The following RASD2 variants were observed in gnomAD, a reference collection of about 807,000 sequenced individuals.
The protein encoded by RASD2 is GTP-binding protein Rhes.
A neutral mutation model predicts 15.8 loss-of-function variants in RASD2; 7 were observed. That is an observed-to-expected ratio of 0.44 (90% CI 0.25 to 0.83). The LOEUF (loss-of-function observed/expected upper bound fraction) is 0.83. Among genes scored for constraint, RASD2 ranks in the 40% least tolerant of loss-of-function variants. The probability of loss-of-function intolerance (pLI) is 0.20; values close to 1 mark genes in which losing one functional copy is unlikely to be tolerated. For synonymous variants in RASD2, 155 were observed against 153.6 expected (o/e 1.01, Z -0.07); for missense variants, 274 against 382.8 (o/e 0.72, Z 2.37).
chr22:35,544,789 C>T (rs1005541702), intron 1 of RASD2, among the ~76,000 whole-genome samples: 1 of 152,158 alleles, frequency 6.6e-6, no homozygotes. Context: ...AGTAATTTAA[C>T]CTCTCTGTGC....
At position 35,541,410 on chromosome 22, in the gene RASD2, G is replaced by C. The variant is rs1346998264; in HGVS notation, c.-100G>C. ...AGCCACCACAGACTCTGGGAGGCTC[G>C]GCGGCTGGAGCAGCAGGCAGCTCCC... On this transcript the variant is annotated 5_prime_UTR_variant, in exon 1 of 3. Coordinates refer to ENST00000216127, the MANE Select transcript of RASD2 (RefSeq NM_014310.4). 1 of 152,226 alleles carries C rather than the reference G, an allele frequency of 6.6e-6. No individual in the cohort carries two copies. Among genetic ancestry groups the C allele is most frequent in the Non-Finnish European group, 1.5e-5 (1 of 68,080 alleles). The allele number at this position is 152,226 out of a possible 1,614,324, so 9.4% of individuals were successfully genotyped here.
At position 35,551,902 on chromosome 22, in the gene RASD2, A is replaced by C. The variant is rs1199534096; in HGVS notation, c.671A>C (p.Glu224Ala). The C allele has an allele frequency of 6.2e-7, 1 of 1,612,782 alleles. No individual in the cohort carries two copies. Among genetic ancestry groups the C allele is most frequent in the East Asian group, 2.2e-5 (1 of 44,862 alleles). ...CCCTTCTGCATGCGCCGCGTCAAGG[A>C]GATGGACGCCTATGGCATGGTCTCG... is the stretch of plus-strand genomic sequence containing the variant. ...PRPFCMRRVK[E>A]MDAYGMVSPF... Residue 224 changes from glutamate (E) to alanine (A), a missense_variant, in exon 3 of 3, where the codon GAG becomes GCG. Physicochemically the swap from Glu to Ala is moderately radical, Grantham distance 107 (BLOSUM62 -1). Coordinates refer to ENST00000216127, the MANE Select transcript of RASD2 (RefSeq NM_014310.4). The surrounding 1 kb of genome is among the most constrained non-coding windows in gnomAD (Gnocchi z 4.9).
chr22:35,533,627 A>ATGATGACAGTGATGATG, the RASD2 span, among the ~76,000 whole-genome samples: 2 of 3,838 alleles, frequency 5.2e-4, no homozygotes, highest in African/African-American at 1.8e-3. Context: ...TGATGATGGG[A>ATGATGACAGTGATGATG]ATGATGGTGA....
rs1934526011 is a variant in RASD2, at chr22:35,547,076, C to T, written c.267C>T (p.Leu89=). 1 of 1,612,104 alleles carries T rather than the reference C, an allele frequency of 6.2e-7. No homozygotes were observed. Among genetic ancestry groups the T allele is most frequent in the Admixed American group, 1.7e-5 (1 of 59,972 alleles). The change falls in exon 2 of 3, where the codon CTC becomes CTT. Residue 89 remains leucine, a synonymous_variant. Transcript: ENST00000216127. ...PFPAMRRLSI[L]TGDVFILVFS... is the part of the protein sequence containing the mutation. The stretch of plus-strand genomic sequence containing the variant: ...CCGCCATGCGCAGGCTGTCCATCCT[C>T]ACAGGTGAGGCCCACTGGTGCCTGG...
In RASD2 at chr22:35,551,050, T is replaced by C. The variant is rs1934651650; in HGVS notation, c.272-453T>C. On this transcript the variant is annotated intron_variant, in intron 2 of 2. Coordinates refer to ENST00000216127, the MANE Select transcript of RASD2 (RefSeq NM_014310.4). This position sits in a 1 kb window ranked among gnomAD's most constrained non-coding sequence, Gnocchi z 4.9. The stretch of plus-strand genomic sequence containing the variant: ...GACAGAGAAACTGAGGTTACAGAGG[T>C]TTCGTGATCTGCCCAAGTCTGCTGG... Among the ~76,000 whole-genome samples, 1 of 152,114 alleles carries C rather than the reference T, an allele frequency of 6.6e-6. No individual in the cohort carries two copies. Among genetic ancestry groups the C allele is most frequent in the African/African-American group, 2.4e-5 (1 of 41,394 alleles).
chr22:35,537,037 C>T (rs187631328), upstream of RASD2, among the ~76,000 whole-genome samples: 478 of 152,210 alleles, frequency 3.1e-3, 5 homozygotes, highest in African/African-American at 0.011. Context: ...TCTAATGCGC[C>T]GCCAGCATTA....
At chr22:35,535,869 C>T (rs957161575), upstream of RASD2, among the ~76,000 whole-genome samples, 3 of 137,758 alleles carry the variant, frequency 2.2e-5, no homozygotes, top group African/African-American at 8.3e-5. Context: ...ACCCAGGCTC[C>T]TGACTGAATT....
At position 35,551,781 on chromosome 22, in the gene RASD2, T is replaced by C; in HGVS notation, c.550T>C (p.Tyr184His). ...KKNTNVDEMF[Y>H]VLFSMAKLPH... ...GAACACCAACGTGGACGAGATGTTC[T>C]ACGTGCTCTTCAGCATGGCCAAGCT... The change falls in exon 3 of 3, where the codon TAC (tyrosine) becomes CAC (histidine). Residue 184 changes from tyrosine to histidine, a missense_variant. Transcript: ENST00000216127. This position sits in a 1 kb window ranked among gnomAD's most constrained non-coding sequence, Gnocchi z 4.9. 1.2e-6 allele frequency: 2 copies of C among 1,614,030 alleles called. No homozygotes were observed. The highest frequency in any genetic ancestry group is 1.1e-5 in the South Asian group (1 of 91,072).
At chr22:35,548,541 C>A (rs1035703436) in intron 2 of RASD2, among the ~76,000 whole-genome samples, 1 of 152,152 alleles carries the variant, frequency 6.6e-6, no homozygotes, top group Non-Finnish European at 1.5e-5. Flanking sequence ...ATTCAGATAA[C>A]CCCCCAACTG....
intron 1 of RASD2, among the ~76,000 whole-genome samples, chr22:35,544,135 A>G (rs1450495659): frequency 6.6e-6 from 1 of 152,214 alleles, no homozygotes; most frequent in Non-Finnish European, 1.5e-5. Flanking sequence ...CAGGGCAATG[A>G]TGGAGACAAA....
At chr22:35,538,270 C>A (rs1934273505), upstream of RASD2, among the ~76,000 whole-genome samples, 1 of 152,120 alleles carries the variant, frequency 6.6e-6, no homozygotes, top group Admixed American at 6.6e-5. Flanking sequence ...CCACACCCAG[C>A]CCAAGATTTT....
chr22:35,533,953 CGGTGATGATTAT>C, the RASD2 span, among the ~76,000 whole-genome samples: 1 of 129,452 alleles, frequency 7.7e-6, no homozygotes. Context: ...GTGATGATGA[CGGTGATGATTAT>C]GGTGATGAAG....
chr22:35,546,866 A>T lies in RASD2; in HGVS notation c.57A>T (p.Ser19=). ...CGCTCAGTGTGCCCGCCAAAAACTC[A>T]TACCGCATGGTGGTGCTGGGTGCCT... The part of the protein sequence containing the change: ...NCTLSVPAKN[S]YRMVVLGASR... The change falls in exon 2 of 3, where the codon TCA becomes TCT. Residue 19 remains serine, a synonymous_variant. Transcript: ENST00000216127. 6.2e-7 allele frequency: 1 copy of T among 1,613,740 alleles called. No individual in the cohort carries two copies. The highest frequency in any genetic ancestry group is 1.1e-5 in the South Asian group (1 of 90,994).
Position 35,552,889 on chromosome 22 carries a change from T to C in RASD2, c.*857T>C, listed in dbSNP as rs1934715529. 1 of 152,466 alleles carries C rather than the reference T, an allele frequency of 6.6e-6. No individual in the cohort carries two copies. The highest frequency in any genetic ancestry group is 2.1e-4 in the South Asian group (1 of 4,794). The allele number at this position is 152,466 out of a possible 1,614,324, so 9.4% of individuals were successfully genotyped here. ...TCCCAAACAGGGTTTCCGTGGCCTG[T>C]TTGCAGCTAGACATTGACCTCCGCC... On this transcript the variant is annotated 3_prime_UTR_variant, in exon 3 of 3. Coordinates refer to ENST00000216127, the MANE Select transcript of RASD2 (RefSeq NM_014310.4).
In RASD2 at chr22:35,546,923, C is replaced by A; in HGVS notation, c.114C>A (p.Arg38=). ...TGGGCAAGAGCTCCATCGTGTCTCGCTTCCTCAATGGCCGCTTTGAGGACC... is the reference window on the plus strand; with the variant it reads ...TGGGCAAGAGCTCCATCGTGTCTCGATTCCTCAATGGCCGCTTTGAGGACC... ...SRVGKSSIVS[R]FLNGRFEDQY... is the part of the protein sequence containing the mutation. The change falls in exon 2 of 3, where the codon CGC becomes CGA. Residue 38 remains arginine (R), a synonymous_variant. Transcript: ENST00000216127. The A allele has an allele frequency of 1.9e-6, 3 of 1,613,804 alleles. No homozygotes were observed. The highest frequency in any genetic ancestry group is 2.5e-6 in the Non-Finnish European group (3 of 1,179,848).
upstream of RASD2, among the ~76,000 whole-genome samples, chr22:35,540,011 G>C (rs1934301056): frequency 6.6e-6 from 1 of 152,244 alleles, no homozygotes; most frequent in Non-Finnish European, 1.5e-5. Context: ...CCGCCCCTCT[G>C]GGCGACACGT....
the RASD2 span, among the ~76,000 whole-genome samples, chr22:35,533,896 C>G: frequency 9.3e-5 from 11 of 117,746 alleles, no homozygotes; most frequent in Admixed American, 7.5e-4. Context: ...ATGGTGATGA[C>G]GGGGATGATG....
chr22:35,548,757 C>A (rs1569102836), intron 2 of RASD2, among the ~76,000 whole-genome samples: 1 of 152,238 alleles, frequency 6.6e-6, no homozygotes, highest in Non-Finnish European at 1.5e-5. Flanking sequence ...CCTGGGTCGA[C>A]CTGTGTTCGA....
chr22:35,535,216 C>T, the RASD2 span, among the ~76,000 whole-genome samples: 4 of 151,996 alleles, frequency 2.6e-5, no homozygotes, highest in African/African-American at 9.7e-5. Context: ...CCAGCCTGGG[C>T]AACATAGCAA....
Sources: gnomAD v4.1 joint callset for allele counts (sites outside exome capture counted in the v4.1 genomes callset) on GRCh38, gnomAD v4.1.1 for gene constraint, Gnocchi (gnomAD v3.1) non-coding constraint, MANE v1.5 for transcripts, NCBI Gene and HGNC (gene_info 2026-07-23, HGNC 2026-07-21) for gene names.